Variants in CIC observed in about 807,000 individuals in gnomAD.
The protein encoded by CIC is protein capicua homolog.
In CIC, 18 loss-of-function variants were observed where a neutral mutation model predicts 115.7. The ratio of observed to expected loss-of-function variants is 0.16; its 90% CI spans 0.11 to 0.23. The LOEUF (loss-of-function observed/expected upper bound fraction) is 0.23. Among genes scored for constraint, CIC ranks in the 10% least tolerant of loss-of-function variants. The probability of loss-of-function intolerance (pLI) is 1.00; values close to 1 mark genes in which losing one functional copy is unlikely to be tolerated. For synonymous variants in CIC, 1,076 were observed against 923.0 expected (o/e 1.17, Z -3.01); for missense variants, 2,000 against 2,159.3 (o/e 0.93, Z 1.46).
At position 42,280,398 on chromosome 19, in the gene CIC, C is replaced by T. The variant is rs1445563115; in HGVS notation, c.2794+5821C>T. Among the ~76,000 whole-genome samples, 2 of 152,098 alleles carry T rather than the reference C, an allele frequency of 1.3e-5. No homozygotes were observed. Among genetic ancestry groups the T allele is most frequent in the African/African-American group, 4.8e-5 (2 of 41,426 alleles). On this transcript the variant is annotated intron_variant, in intron 2 of 20. Transcript: ENST00000681038. The surrounding 1 kb of genome is among the most constrained non-coding windows in gnomAD (Gnocchi z 4.9). ...AAGCGGACTGGCACCCAGCGAGGGC[C>T]GCGCCCAGCCCCCGCTGGCACCTAG...
At chr19:42,277,085 C>T (rs1467839982) in intron 2 of CIC, among the ~76,000 whole-genome samples, 1 of 152,212 alleles carries the variant, frequency 6.6e-6, no homozygotes, top group Non-Finnish European at 1.5e-5. Flanking sequence ...GTGCCTGGCA[C>T]ACTTCAATGA....
chr19:42,293,187 C>T lies in CIC; in HGVS notation c.6428C>T (p.Pro2143Leu), dbSNP rs775887472. 6.9e-6 allele frequency: 11 copies of T among 1,602,040 alleles called. No homozygotes were observed. Among genetic ancestry groups the T allele is most frequent in the Non-Finnish European group, 8.5e-6 (10 of 1,175,100 alleles). Residue 2143 changes from proline to leucine, a missense_variant, in exon 16 of 21, where the codon CCC (proline) becomes CTC (leucine). Transcript: ENST00000681038. ...CAGCCCACACCACCAGCCCCTCCAC[C>T]CCTGCCAGAGACCTGGACTCCCACG... The part of the protein sequence containing the change: ...EGQPTPPAPP[P>L]LPETWTPTAR...
At chr19:42,283,585 G>A (rs2037366992) in intron 2 of CIC, among the ~76,000 whole-genome samples, 1 of 152,112 alleles carries the variant, frequency 6.6e-6, no homozygotes, top group Non-Finnish European at 1.5e-5. Context: ...GTAGGTGAGG[G>A]CTCAGGATGC....
intron 2 of CIC, among the ~76,000 whole-genome samples, chr19:42,283,181 T>C (rs1485275519): frequency 6.6e-6 from 1 of 152,038 alleles, no homozygotes; most frequent in Non-Finnish European, 1.5e-5. Flanking sequence ...CTAGGAAGGC[T>C]GTGTGTGTGA....
Position 42,294,198 on chromosome 19 carries a change from C to T in CIC, c.6948C>T (p.Pro2316=), listed in dbSNP as rs930047799. The T allele has an allele frequency of 8.1e-6, 13 of 1,613,742 alleles. No individual in the cohort carries two copies. Among genetic ancestry groups the T allele is most frequent in the Non-Finnish European group, 1.1e-5 (13 of 1,180,032 alleles). The part of the protein sequence containing the change: ...STDLDSAPED[P]TSPKRKMRRR... ...ACCTGGATTCAGCACCCGAGGACCCCACCTCGCCCAAGCGCAAGATGAGAA... is the reference window on the plus strand; with the variant it reads ...ACCTGGATTCAGCACCCGAGGACCCTACCTCGCCCAAGCGCAAGATGAGAA... The change falls in exon 19 of 21, where the codon CCC becomes CCT. Residue 2316 remains proline (P), a synonymous_variant. Transcript: ENST00000681038.
Position 42,291,321 on chromosome 19 carries a change from G to A in CIC, c.5280G>A (p.Ala1760=), listed in dbSNP as rs561341350. The A allele has an allele frequency of 1.1e-5, 18 of 1,612,754 alleles. No individual in the cohort carries two copies. The highest frequency in any genetic ancestry group is 2.2e-5 in the East Asian group (1 of 44,880). Reference sequence around the variant, plus strand: ...CACCAGCCCCTGGGACCAAGGCAGCGGCTCCCAGCGGCCCTGCACCCACCA... The same window carrying A: ...CACCAGCCCCTGGGACCAAGGCAGCAGCTCCCAGCGGCCCTGCACCCACCA... ...APAPAPGTKA[A]APSGPAPTTS... is the part of the protein sequence containing the mutation. Residue 1760 remains alanine, a synonymous_variant, in exon 11 of 21, where the codon GCG becomes GCA. Coordinates refer to ENST00000681038, the MANE Select transcript of CIC (RefSeq NM_001386298.1).
At chr19:42,282,169 T>G (rs1351479385) in intron 2 of CIC, among the ~76,000 whole-genome samples, 1 of 152,192 alleles carries the variant, frequency 6.6e-6, no homozygotes, top group East Asian at 1.9e-4. Context: ...TAATAGTCCC[T>G]CTGGTTGCCC....
intron 2 of CIC, chr19:42,284,836 C>A (rs775182883): frequency 3.7e-6 from 5 of 1,345,812 alleles, no homozygotes; most frequent in Non-Finnish European, 5.1e-6. Context: ...TGCGGAGTAA[C>A]GGTGGTGGGG....
In CIC at chr19:42,292,281, A is replaced by G. The variant is rs781139320; in HGVS notation, c.5736-19A>G. The G allele has an allele frequency of 2.5e-6, 4 of 1,612,934 alleles. No individual in the cohort carries two copies. In the African/African-American group the frequency reaches 4.0e-5, roughly 16 times the overall value. The stretch of plus-strand genomic sequence containing the variant: ...GGGCCGGCTTACCTCACTCCTCCCC[A>G]TTTCCTCTCCTGCGGCAGAATCACC... On this transcript the variant is annotated intron_variant, in intron 13 of 20. Coordinates refer to ENST00000681038, the MANE Select transcript of CIC (RefSeq NM_001386298.1).
In CIC at chr19:42,280,591, C is replaced by G. The variant is rs955003780; in HGVS notation, c.2794+6014C>G. ...GCGTCCTCGGGCTGGGTGGGGTACC[C>G]TCCCTCCCACCGCAGACAGCTCGGG... On this transcript the variant is annotated intron_variant, in intron 2 of 20. Transcript: ENST00000681038. This position sits in a 1 kb window ranked among gnomAD's most constrained non-coding sequence, Gnocchi z 4.9. Among the ~76,000 whole-genome samples, 3 of 152,162 alleles carry G rather than the reference C, an allele frequency of 2.0e-5. No homozygotes were observed. Among genetic ancestry groups the G allele is most frequent in the African/African-American group, 7.2e-5 (3 of 41,448 alleles).
At chr19:42,289,530 A>C in intron 9 of CIC, 124 bp downstream of exon 9, 1 of 1,139,900 alleles carries the variant, frequency 8.8e-7, no homozygotes, top group Non-Finnish European at 1.3e-6. Flanking sequence ...TTATGGTTGC[A>C]TGTGGCCAGT....
chr19:42,289,333 G>A lies in CIC; in HGVS notation c.4014G>A (p.Ala1338=), dbSNP rs1186096658. The change falls in exon 9 of 21, where the codon GCG becomes GCA. Residue 1338 remains alanine (A), a synonymous_variant. Transcript: ENST00000681038. ...CCCGAGCTTCTCGTTCTCAGCGTGC[G>A]GCCAGTGAGGACATGACGAGTGATG... The part of the protein sequence containing the change: ...LPTRASRSQR[A]ASEDMTSDEE... 3.1e-6 allele frequency: 5 copies of A among 1,613,804 alleles called. No homozygotes were observed. The highest frequency in any genetic ancestry group is 2.2e-5 in the East Asian group (1 of 44,890).
At chr19:42,291,515 G>A (rs1568518781) in intron 11 of CIC, 43 bp from the exon 12 acceptor site, 1 of 1,613,136 alleles carries the variant, frequency 6.2e-7, no homozygotes, top group Non-Finnish European at 8.5e-7. Context: ...AGTCCTGTTT[G>A]GCTCCCTTGT....
chr19:42,295,143 G>GGGGGGGCCCCCCCCC lies in CIC; in HGVS notation c.7506_7507insGGGGGGCCCCCCCCC (p.Gln2502_Pro2503insGlyGlyProProPro). On this transcript the variant is annotated inframe_insertion, in exon 21 of 21. Transcript: ENST00000681038. ...AGCCTGGCTGGGAGGGGGCTCCCCA[G>GGGGGGGCCCCCCCCC]CCCTCCCCCCCACCCCCAGGTCCCT... 4.3e-6 allele frequency: 6 copies of GGGGGGGCCCCCCCCC among 1,382,722 alleles called. No individual in the cohort carries two copies. Among genetic ancestry groups the GGGGGGGCCCCCCCCC allele is most frequent in the South Asian group, 1.4e-5 (1 of 73,380 alleles). The allele number at this position is 1,382,722 out of a possible 1,614,324, so 85.7% of individuals were successfully genotyped here.
chr19:42,284,268 A>G (rs188458677), intron 2 of CIC: 10,808 of 143,456 alleles, frequency 0.075, 492 homozygotes, highest in Middle Eastern at 0.17. Context: ...GAGGGAGGGA[A>G]CGAGCGAGCC....
intron 16 of CIC, 39 bp from the exon 17 acceptor site, chr19:42,293,553 G>C (rs1445506674): frequency 1.2e-6 from 2 of 1,613,308 alleles, no homozygotes; most frequent in African/African-American, 1.3e-5. Context: ...CAGAGTCTGA[G>C]CTCAGTGTTC....
At position 42,294,818 on chromosome 19, in the gene CIC, C is replaced by A; in HGVS notation, c.7187-6C>A. Reference sequence around the variant, plus strand: ...CCTGTGCTCCCCACCGTTTTTCTATCTCCAGCCCAGGCCACAGCCGCCTTC... The same window carrying A: ...CCTGTGCTCCCCACCGTTTTTCTATATCCAGCCCAGGCCACAGCCGCCTTC... On this transcript the variant is annotated splice_region_variant and splice_polypyrimidine_tract_variant and intron_variant, in intron 20 of 20. Coordinates refer to ENST00000681038, the MANE Select transcript of CIC (RefSeq NM_001386298.1). 1 of 1,603,850 alleles carries A rather than the reference C, an allele frequency of 6.2e-7. No individual in the cohort carries two copies.
Position 42,290,691 on chromosome 19 carries a change from G to A in CIC, c.4650G>A (p.Glu1550=). Residue 1550 remains glutamate (E), a synonymous_variant, in exon 11 of 21, where the codon GAG becomes GAA. Transcript: ENST00000681038. ...TGCCCCCAAACAAGGAGGAGCAAGA[G>A]GGCGGCGGAGCCAGAGTGCCCTCCG... ...LVLPPNKEEQ[E]GGGARVPSAP... is the part of the protein sequence containing the mutation. 6.2e-7 allele frequency: 1 copy of A among 1,613,034 alleles called. No individual in the cohort carries two copies. The highest frequency in any genetic ancestry group is 8.5e-7 in the Non-Finnish European group (1 of 1,179,916).
chr19:42,276,501 G>A (rs553250390), intron 2 of CIC, among the ~76,000 whole-genome samples: 1 of 152,252 alleles, frequency 6.6e-6, no homozygotes, highest in African/African-American at 2.4e-5. Context: ...TTTCAGGAAG[G>A]AGCACTGGCC....
Sources: allele counts gnomAD v4.1 joint callset (sites outside exome capture counted in the v4.1 genomes callset), GRCh38; gene constraint gnomAD v4.1.1; non-coding constraint Gnocchi (gnomAD v3.1); transcripts MANE v1.5; gene names NCBI Gene and HGNC (gene_info 2026-07-23, HGNC 2026-07-21).